Variants in TANC2 observed in about 807,000 individuals in gnomAD.
The protein encoded by TANC2 is protein TANC2.
TANC2 carries 26 observed loss-of-function variants against 210.5 expected under a neutral mutation model. The observed-to-expected ratio is 0.12, with a 90% confidence interval of 0.09 to 0.17. The LOEUF is 0.17. Ranked by LOEUF, TANC2 falls within the 10% of genes least tolerant of loss-of-function variation. The probability of loss-of-function intolerance (pLI) is 1.00; values close to 1 mark genes in which losing one functional copy is unlikely to be tolerated. For synonymous variants in TANC2, 931 were observed against 967.1 expected (o/e 0.96, Z 0.69); for missense variants, 2,129 against 2,608.9 (o/e 0.82, Z 4.01).
chr17:63,149,277 G>C (rs1466876400), intron 4 of TANC2: 2 of 151,954 alleles, frequency 1.3e-5, no homozygotes, highest in Admixed American at 6.6e-5. Flanking sequence ...ACAGTCTTCA[G>C]CTATTTCCTT....
chr17:63,034,985 T>C (rs2034914875), intron 2 of TANC2, among the ~76,000 whole-genome samples: 1 of 152,204 alleles, frequency 6.6e-6, no homozygotes, highest in South Asian at 2.1e-4. Flanking sequence ...AAGGATTGAC[T>C]TCAATTTGAA....
intron 8 of TANC2, among the ~76,000 whole-genome samples, chr17:63,260,824 T>C (rs1028642523): frequency 2.6e-5 from 4 of 152,138 alleles, no homozygotes; most frequent in African/African-American, 9.7e-5. Flanking sequence ...ATCAACATCA[T>C]GTATATGAAA....
At chr17:62,983,351 GTTTTATTTTATT>G (rs2032403300) in intron 1 of TANC2, among the ~76,000 whole-genome samples, 1 of 151,646 alleles carries the variant, frequency 6.6e-6, no homozygotes, top group Non-Finnish European at 1.5e-5. Flanking sequence ...GGGTCTTTAG[GTTTTATTTTATT>G]TTTTATTTTA....
rs1184698689 is a variant in TANC2 at position 63,009,637 on chromosome 17, A to G, written c.67+11A>G. 21 of 1,610,510 alleles carry G rather than the reference A, an allele frequency of 1.3e-5. No homozygotes were observed. The highest frequency in any genetic ancestry group is 2.7e-5 in the African/African-American group (2 of 74,850). On this transcript the variant is annotated intron_variant, in intron 2 of 27. Coordinates refer to ENST00000689528, the Ensembl canonical transcript of TANC2. ...AAAACAGGTCAAGTGGTAAGTGACT[A>G]TGCTACATTTATTGTGCGTGATATT... is the stretch of plus-strand genomic sequence containing the variant.
chr17:63,348,821 T>C (rs1463531021), intron 12 of TANC2, among the ~76,000 whole-genome samples: 1 of 152,198 alleles, frequency 6.6e-6, no homozygotes, highest in Non-Finnish European at 1.5e-5. Flanking sequence ...TGAAGCATTC[T>C]TGTAGGCTGG....
Position 63,412,594 on chromosome 17 carries a change from C to A in TANC2, c.3899-86C>A. The stretch of plus-strand genomic sequence containing the variant: ...GCTTTGTGCTGCCTGCCTCTCACTG[C>A]TGCTTTTTCCTTCTTTTTTTTTTTT... On this transcript the variant is annotated intron_variant, in intron 23 of 27. Coordinates refer to ENST00000689528, the Ensembl canonical transcript of TANC2. The surrounding 1 kb of genome is among the most constrained non-coding windows in gnomAD (Gnocchi z 4.2). 7.5e-7 allele frequency: 1 copy of A among 1,332,316 alleles called. No homozygotes were observed. The highest frequency in any genetic ancestry group is 1.0e-6 in the Non-Finnish European group (1 of 965,714). The allele number at this position is 1,332,316 out of a possible 1,614,324, so 82.5% of individuals were successfully genotyped here. A position where few individuals can be genotyped will look rare whatever the true frequency, so the allele number is the denominator to read the frequency against.
chr17:63,225,361 G>T (rs1242871487), intron 7 of TANC2, among the ~76,000 whole-genome samples: 1 of 151,982 alleles, frequency 6.6e-6, no homozygotes, highest in Non-Finnish European at 1.5e-5. Flanking sequence ...TTGCCTAATT[G>T]TGTTTCAACG....
intron 1 of TANC2, among the ~76,000 whole-genome samples, chr17:62,974,116 T>A (rs114449664): frequency 3.3e-5 from 5 of 152,204 alleles, no homozygotes; most frequent in African/African-American, 1.2e-4. Flanking sequence ...GTTGGAGATA[T>A]ACCAGCTACT....
In TANC2 at chr17:63,373,991, T is replaced by A. The variant is rs369924730; in HGVS notation, c.2583-5727T>A. 3.4e-3 allele frequency among the ~76,000 whole-genome samples: 362 copies of A among 105,442 alleles called. 1 individual carries two copies. The highest frequency in any genetic ancestry group is 8.4e-3 in the African/African-American group (304 of 36,366). 69.2% of individuals were successfully genotyped at this position (105,442 alleles called of 152,430 possible). A position where few individuals can be genotyped will look rare whatever the true frequency, so the allele number is the denominator to read the frequency against. Reference sequence around the variant, plus strand: ...GTGAGACTCTGTCTCAAAAAATAATTATTATTATTATTAAGTATTTTGATT... The same window carrying A: ...GTGAGACTCTGTCTCAAAAAATAATAATTATTATTATTAAGTATTTTGATT... On this transcript the variant is annotated intron_variant, in intron 14 of 27. Coordinates refer to ENST00000689528, the Ensembl canonical transcript of TANC2.
At chr17:63,056,515 C>CA (rs1207198318) in intron 2 of TANC2, among the ~76,000 whole-genome samples, 1 of 151,876 alleles carries the variant, frequency 6.6e-6, no homozygotes, top group Non-Finnish European at 1.5e-5. Flanking sequence ...CGTTCTCTAC[C>CA]AAAAAAATTT....
chr17:63,133,286 T>C (rs1173023344), intron 4 of TANC2, among the ~76,000 whole-genome samples: 1 of 151,990 alleles, frequency 6.6e-6, no homozygotes, highest in Non-Finnish European at 1.5e-5. Flanking sequence ...TTTGTATTTT[T>C]AGTAGAGACT....
chr17:63,202,995 A>C (rs1439920807), intron 7 of TANC2, among the ~76,000 whole-genome samples: 1 of 152,130 alleles, frequency 6.6e-6, no homozygotes, highest in African/African-American at 2.4e-5. Flanking sequence ...TTACCTGCGA[A>C]CACTTAGGTT....
At chr17:62,995,448 G>A (rs1335253770) in intron 1 of TANC2, among the ~76,000 whole-genome samples, 2 of 152,332 alleles carry the variant, frequency 1.3e-5, no homozygotes, top group African/African-American at 4.8e-5. Context: ...GTCTAATGGG[G>A]AACAAGGTTG....
intron 7 of TANC2, among the ~76,000 whole-genome samples, chr17:63,202,473 A>C (rs1255717421): frequency 1.3e-5 from 2 of 152,100 alleles, no homozygotes; most frequent in African/African-American, 4.8e-5. Context: ...AATAAGAATA[A>C]TTTTAATTAA....
chr17:63,341,517 C>G (rs1373260231), intron 12 of TANC2, among the ~76,000 whole-genome samples: 1 of 152,196 alleles, frequency 6.6e-6, no homozygotes, highest in Non-Finnish European at 1.5e-5. Flanking sequence ...AGTGCTCTTT[C>G]CACATCATGA....
chr17:63,262,314 G>C (rs924744893), intron 8 of TANC2, among the ~76,000 whole-genome samples: 1 of 152,140 alleles, frequency 6.6e-6, no homozygotes, highest in African/African-American at 2.4e-5. Flanking sequence ...CAAGTAGCTA[G>C]CACTACGGAC....
In TANC2 at chr17:63,359,168, A is replaced by G. The variant is rs145642221; in HGVS notation, c.2582+3778A>G. Among the ~76,000 whole-genome samples, 101 of 151,934 alleles carry G rather than the reference A, an allele frequency of 6.6e-4. 1 individual carries two copies. In the South Asian group the frequency reaches 0.01, roughly 16 times the overall value. The stretch of plus-strand genomic sequence containing the variant: ...AGTCTCAACCTCCTGGGCTCTGGCA[A>G]TCCTCCTACCTTAGCTTCCTGTGTA... On this transcript the variant is annotated intron_variant, in intron 14 of 27. Transcript: ENST00000689528.
At chr17:63,003,824 GCTGTTGC>G (rs1298128028) in intron 1 of TANC2, among the ~76,000 whole-genome samples, 1 of 151,726 alleles carries the variant, frequency 6.6e-6, no homozygotes, top group African/African-American at 2.4e-5. Flanking sequence ...TTTTTAAGTG[GCTGTTGC>G]TTTCTATGTT....
chr17:63,023,795 G>C (rs1434492253), intron 2 of TANC2, among the ~76,000 whole-genome samples: 1 of 152,206 alleles, frequency 6.6e-6, no homozygotes, highest in African/African-American at 2.4e-5. Flanking sequence ...TTTGGTGGCA[G>C]AGGATACTGT....
Sources: gnomAD v4.1 joint callset for allele counts (sites outside exome capture counted in the v4.1 genomes callset) on GRCh38, gnomAD v4.1.1 for gene constraint, Gnocchi (gnomAD v3.1) non-coding constraint, MANE v1.5 for transcripts, NCBI Gene and HGNC (gene_info 2026-07-23, HGNC 2026-07-21) for gene names.